The following TTC7A variants were observed in gnomAD, a reference collection of about 807,000 sequenced individuals.
TTC7A encodes the protein tetratricopeptide repeat protein 7A.
A neutral mutation model predicts 103.7 loss-of-function variants in TTC7A; 110 were observed. That is an observed-to-expected ratio of 1.06 (90% CI 0.91 to 1.24). TTC7A has a LOEUF of 1.24. TTC7A is among the 50% of genes most tolerant of loss of function. The pLI is 0.00. For synonymous variants in TTC7A, 521 were observed against 467.9 expected (o/e 1.11, Z -1.47); for missense variants, 1,340 against 1,116.3 (o/e 1.20, Z -2.86).
chr2:46,995,229 C>G, intron 8 of TTC7A, 30 bp downstream of exon 8: 1 of 1,611,246 alleles, frequency 6.2e-7, no homozygotes, highest in Non-Finnish European at 8.5e-7. Flanking sequence ...TCAGGGGCCT[C>G]TGGCCCTCTG....
chr2:47,065,101 C>G (rs1684077507), intron 19 of TTC7A, among the ~76,000 whole-genome samples: 1 of 152,112 alleles, frequency 6.6e-6, no homozygotes, highest in African/African-American at 2.4e-5. Flanking sequence ...TCCTGGCTAA[C>G]ACGGTGAAAC....
upstream of TTC7A, among the ~76,000 whole-genome samples, chr2:46,937,934 G>A (rs987689875): frequency 6.6e-6 from 1 of 152,102 alleles, no homozygotes; most frequent in Non-Finnish European, 1.5e-5. This position sits in a 1 kb window ranked among gnomAD's most constrained non-coding sequence, Gnocchi z 4.0. Context: ...GTATATATAT[G>A]TAAAAGAGAG....
chr2:46,975,390 C>G (rs555524109), intron 4 of TTC7A, among the ~76,000 whole-genome samples: 3 of 151,954 alleles, frequency 2.0e-5, no homozygotes, highest in African/African-American at 7.3e-5. Flanking sequence ...ATTTCTTTCC[C>G]TGGCAGGGGT....
chr2:47,068,349 C>T (rs1684358225), intron 19 of TTC7A: 1 of 152,186 alleles, frequency 6.6e-6, no homozygotes. Flanking sequence ...CAGGACGCAC[C>T]ACCAGCTCTA....
rs561922205 is a variant in TTC7A at position 47,024,255 on chromosome 2, T to G, written c.1569-32T>G. 6 of 1,570,780 alleles carry G rather than the reference T, an allele frequency of 3.8e-6. No individual in the cohort carries two copies. In the Admixed American group the frequency reaches 1.1e-4, roughly 28 times the overall value. ...CACACGTTGGTCACTCAACCCCTGG[T>G]GCCTGACTTGTCACTCCCTCTCCCC... is the stretch of plus-strand genomic sequence containing the variant. On this transcript the variant is annotated intron_variant, in intron 13 of 19. Coordinates refer to ENST00000319190, the MANE Select transcript of TTC7A (RefSeq NM_020458.4).
chr2:46,992,261 T>C (rs1270495959), intron 5 of TTC7A, among the ~76,000 whole-genome samples: 2 of 152,178 alleles, frequency 1.3e-5, no homozygotes, highest in Non-Finnish European at 2.9e-5. Flanking sequence ...ACGGGAGCGA[T>C]GCGCCTGGCC....
At position 47,046,428 on chromosome 2, in the gene TTC7A, T is replaced by G; in HGVS notation, c.1916T>G (p.Leu639Arg). The G allele has an allele frequency of 6.2e-7, 1 of 1,613,404 alleles. No individual in the cohort carries two copies. The change falls in exon 16 of 20, where the codon CTG becomes CGG. Residue 639 changes from leucine to arginine, a missense_variant. Coordinates refer to ENST00000319190, the MANE Select transcript of TTC7A (RefSeq NM_020458.4). ...CAGACCCTGTACAGCTTCTCCCAGC[T>G]GGGGTGAGTGGCCGTCATTGTCTCT... ...LWQTLYSFSQ[L>R]GGLEKDGSFG...
At chr2:46,932,667 A>G (rs1669768029) in intron 2 of TTC7A, among the ~76,000 whole-genome samples, 1 of 152,062 alleles carries the variant, frequency 6.6e-6, no homozygotes, top group African/African-American at 2.4e-5. Flanking sequence ...TTGGGAGGCC[A>G]AGATGGGTGG....
In TTC7A at chr2:46,958,452, C is replaced by T. The variant is rs984937292; in HGVS notation, c.517+1445C>T. ...CCGGGACTTTCTCCTGAGCCTGGCT[C>T]AGGATGGATTGCCCCCTGTCTCCTG... On this transcript the variant is annotated intron_variant, in intron 3 of 19. Transcript: ENST00000319190. 4 of 1,294,042 alleles carry T rather than the reference C, an allele frequency of 3.1e-6. No individual in the cohort carries two copies. The African/African-American group carries it at 6.1e-5, about 20-fold the overall frequency. The allele number at this position is 1,294,042 out of a possible 1,614,324, so 80.2% of individuals were successfully genotyped here. A position where few individuals can be genotyped will look rare whatever the true frequency, so the allele number is the denominator to read the frequency against.
At chr2:46,978,764 A>C in intron 4 of TTC7A, 28 bp from the exon 5 acceptor site, 1 of 1,592,726 alleles carries the variant, frequency 6.3e-7, no homozygotes, top group Non-Finnish European at 8.6e-7. Flanking sequence ...CTTTGAGACA[A>C]TGGCTCTCTC....
rs1685181072 is a variant in TTC7A at position 47,076,025 on chromosome 2, C to T, written c.*2102C>T. On this transcript the variant is annotated 3_prime_UTR_variant, in exon 20 of 20. Coordinates refer to ENST00000319190, the MANE Select transcript of TTC7A (RefSeq NM_020458.4). Reference sequence around the variant, plus strand: ...ACCTGGGCCTTGTTCAGATTGGCCACCTCTGCTGAGAAGTCCATACCAGTA... The same window carrying T: ...ACCTGGGCCTTGTTCAGATTGGCCATCTCTGCTGAGAAGTCCATACCAGTA... 6.6e-6 allele frequency: 1 copy of T among 152,274 alleles called. No individual in the cohort carries two copies. Among genetic ancestry groups the T allele is most frequent in the African/African-American group, 2.4e-5 (1 of 41,424 alleles). The allele number at this position is 152,274 out of a possible 1,614,324, so 9.4% of individuals were successfully genotyped here. A position where few individuals can be genotyped will look rare whatever the true frequency, so the allele number is the denominator to read the frequency against.
intron 2 of TTC7A, among the ~76,000 whole-genome samples, chr2:46,953,874 G>A (rs1671617016): frequency 6.7e-6 from 1 of 150,120 alleles, no homozygotes; most frequent in African/African-American, 2.5e-5. Flanking sequence ...TGTTTCTCAG[G>A]CTGGTCTCAG....
At chr2:46,948,506 A>G (rs1445354750) in intron 1 of TTC7A, among the ~76,000 whole-genome samples, 2 of 152,234 alleles carry the variant, frequency 1.3e-5, no homozygotes, top group Non-Finnish European at 2.9e-5. Context: ...AAAGGATCCC[A>G]TAACAGGTGC....
At chr2:47,073,010 A>C (rs1006692681) in intron 19 of TTC7A, among the ~76,000 whole-genome samples, 5 of 152,148 alleles carry the variant, frequency 3.3e-5, no homozygotes, top group African/African-American at 1.2e-4. Context: ...TGCGTGACCC[A>C]GACCCCCCAG....
chr2:47,039,463 G>A (rs1681500297), intron 15 of TTC7A, among the ~76,000 whole-genome samples: 1 of 152,208 alleles, frequency 6.6e-6, no homozygotes, highest in Non-Finnish European at 1.5e-5. Flanking sequence ...GGTGCCCCCA[G>A]GTAAGGGGAT....
At chr2:46,994,207 G>T (rs867993856) in intron 6 of TTC7A, 150 bp from the exon 7 acceptor site, 9 of 865,424 alleles carry the variant, frequency 1.0e-5, no homozygotes, top group African/African-American at 1.0e-4. Flanking sequence ...GAGCAAGGGG[G>T]CTCCTTGGGA....
At chr2:46,977,027 T>C (rs1204277782) in intron 4 of TTC7A, among the ~76,000 whole-genome samples, 1 of 151,894 alleles carries the variant, frequency 6.6e-6, no homozygotes, top group East Asian at 1.9e-4. Context: ...CTTTTCATAT[T>C]TGCATTGCAT....
chr2:47,039,941 T>C (rs1558614769), intron 15 of TTC7A, among the ~76,000 whole-genome samples: 1 of 152,216 alleles, frequency 6.6e-6, no homozygotes, highest in Non-Finnish European at 1.5e-5. Flanking sequence ...ATACAGACCC[T>C]GTGGGCTGAG....
At chr2:46,928,587 T>C (rs931418293) in intron 2 of TTC7A, among the ~76,000 whole-genome samples, 1 of 150,236 alleles carries the variant, frequency 6.7e-6, no homozygotes, top group Non-Finnish European at 1.5e-5. Flanking sequence ...CTAGGCAACA[T>C]GGCAAAACCC....
Sources: allele counts gnomAD v4.1 joint callset (sites outside exome capture counted in the v4.1 genomes callset), GRCh38; gene constraint gnomAD v4.1.1; non-coding constraint Gnocchi (gnomAD v3.1); transcripts MANE v1.5; gene names NCBI Gene and HGNC (gene_info 2026-07-23, HGNC 2026-07-21).